BMP2K: variants seen among roughly 807,000 people sequenced by gnomAD.
BMP2K encodes the protein BMP2 inducible kinase, also known as BMP-2-inducible protein kinase.
Under a neutral mutation model 116.0 loss-of-function variants are expected in BMP2K, and 74 were observed. That is an observed-to-expected ratio of 0.64 (90% CI 0.53 to 0.77). BMP2K has a LOEUF of 0.77. BMP2K is among the 30% of genes least tolerant of loss of function. The pLI is 0.00. For missense variants in BMP2K, 1,365 were observed against 1,403.6 expected (o/e 0.97, Z 0.44); for synonymous variants, 486 against 502.5 (o/e 0.97, Z 0.44).
In BMP2K at chr4:78,861,288, A is replaced by G. The variant is rs1260619298; in HGVS notation, c.988-101A>G. 15 of 846,514 alleles carry G rather than the reference A, an allele frequency of 1.8e-5. No homozygotes were observed. The East Asian group carries it at 3.5e-4, about 20-fold the overall frequency. The allele number at this position is 846,514 out of a possible 1,614,324, so 52.4% of individuals were successfully genotyped here. ...TCTGATGTGAAAGTAATAGTGTCTC[A>G]TAGTACTTTTAAAGTTCAATGATAT... On this transcript the variant is annotated intron_variant, in intron 8 of 15. Transcript: ENST00000502613.
At chr4:78,796,487 GTAAC>G (rs1403360472) in intron 1 of BMP2K, among the ~76,000 whole-genome samples, 3 of 152,130 alleles carry the variant, frequency 2.0e-5, no homozygotes, top group Non-Finnish European at 2.9e-5. Context: ...GTATACATAT[GTAAC>G]TAACCTGCAC....
chr4:78,813,438 T>C (rs529152524), intron 1 of BMP2K, among the ~76,000 whole-genome samples: 1 of 152,306 alleles, frequency 6.6e-6, no homozygotes, highest in East Asian at 1.9e-4. Context: ...CCATTTCTCT[T>C]GGAGCAAAAG....
intron 15 of BMP2K, among the ~76,000 whole-genome samples, chr4:78,890,239 G>T (rs922971562): frequency 1.3e-5 from 2 of 151,790 alleles, no homozygotes; most frequent in Non-Finnish European, 2.9e-5. Context: ...ACTCCTTAGA[G>T]GTAATTTTTC....
intron 7 of BMP2K, among the ~76,000 whole-genome samples, chr4:78,854,163 CTTT>C (rs765059261): frequency 1.8e-5 from 2 of 112,422 alleles, no homozygotes; most frequent in African/African-American, 3.4e-5. Context: ...CAGGTAAAAG[CTTT>C]TTTTTTTTTT....
At chr4:78,803,453 T>C (rs1006060510) in intron 1 of BMP2K, among the ~76,000 whole-genome samples, 1 of 152,178 alleles carries the variant, frequency 6.6e-6, no homozygotes, top group African/African-American at 2.4e-5. Flanking sequence ...TGTAGTGCAG[T>C]GGTGCAACCT....
intron 4 of BMP2K, 67 bp from the exon 5 acceptor site, chr4:78,844,861 A>G: frequency 1.4e-6 from 2 of 1,400,830 alleles, no homozygotes; most frequent in Non-Finnish European, 2.0e-6. Context: ...ACCATTTTTT[A>G]CAAAGATTGT....
chr4:78,805,362 C>T (rs2109962522), intron 1 of BMP2K, among the ~76,000 whole-genome samples: 1 of 152,086 alleles, frequency 6.6e-6, no homozygotes, highest in South Asian at 2.1e-4. Context: ...TCTAACTTTG[C>T]TTTTTTTCAG....
intron 2 of BMP2K, among the ~76,000 whole-genome samples, chr4:78,831,348 A>T (rs1331865119): frequency 6.6e-6 from 1 of 152,216 alleles, no homozygotes; most frequent in Non-Finnish European, 1.5e-5. Flanking sequence ...AGAGACACAA[A>T]CTGAGCACAT....
intron 7 of BMP2K, chr4:78,859,319 A>T (rs1731656177): frequency 7.4e-6 from 2 of 270,614 alleles, no homozygotes. Flanking sequence ...CTTTTGTGTC[A>T]CTTTTTCAAT....
intron 1 of BMP2K, among the ~76,000 whole-genome samples, chr4:78,794,333 A>G (rs1008609330): frequency 7.2e-5 from 11 of 152,144 alleles, no homozygotes; most frequent in Non-Finnish European, 1.0e-4. Context: ...GTATTACAGT[A>G]CTGTTAGTAT....
chr4:78,802,080 GT>G (rs1209076751), intron 1 of BMP2K, among the ~76,000 whole-genome samples: 3 of 152,202 alleles, frequency 2.0e-5, no homozygotes, highest in Non-Finnish European at 4.4e-5. Context: ...TCTAGAAAGA[GT>G]TTTGCTCGAT....
At position 78,845,080 on chromosome 4, in the gene BMP2K, A is replaced by G. The variant is rs778848937; in HGVS notation, c.668+31A>G. ...TATTTGTCTTTATTGCACTTTTGTC[A>G]TGGTAATTTTAAGTTAACTTGAGTC... On this transcript the variant is annotated intron_variant, in intron 5 of 15. Transcript: ENST00000502613. The G allele has an allele frequency of 7.9e-6, 12 of 1,528,468 alleles. No individual in the cohort carries two copies. In the Admixed American group the frequency reaches 2.2e-4, roughly 27 times the overall value. The allele number at this position is 1,528,468 out of a possible 1,614,324, so 94.7% of individuals were successfully genotyped here. A position where few individuals can be genotyped will look rare whatever the true frequency, so the allele number is the denominator to read the frequency against.
intron 15 of BMP2K, among the ~76,000 whole-genome samples, chr4:78,909,477 A>G (rs1284366255): frequency 6.6e-6 from 1 of 152,144 alleles, no homozygotes; most frequent in Non-Finnish European, 1.5e-5. Flanking sequence ...ATGGCCTTAG[A>G]GGACCTTCAC....
At chr4:78,824,601 G>A (rs1729783178) in intron 1 of BMP2K, among the ~76,000 whole-genome samples, 1 of 152,108 alleles carries the variant, frequency 6.6e-6, no homozygotes, top group Non-Finnish European at 1.5e-5. Flanking sequence ...GATTTCAGTG[G>A]GGACACAGCC....
At chr4:78,778,654 T>A (rs1303632935) in intron 1 of BMP2K, among the ~76,000 whole-genome samples, 1 of 152,250 alleles carries the variant, frequency 6.6e-6, no homozygotes, top group Non-Finnish European at 1.5e-5. Context: ...ATAATCAGTT[T>A]AATTTTGATC....
intron 1 of BMP2K, among the ~76,000 whole-genome samples, chr4:78,810,561 G>A (rs1729039225): frequency 6.6e-6 from 1 of 152,170 alleles, no homozygotes; most frequent in Admixed American, 6.5e-5. Context: ...GTCACATAAA[G>A]ACAAACCTGG....
intron 3 of BMP2K, among the ~76,000 whole-genome samples, chr4:78,836,585 T>C (rs924367709): frequency 6.6e-6 from 1 of 152,224 alleles, no homozygotes; most frequent in African/African-American, 2.4e-5. Flanking sequence ...TTTGCCTCCC[T>C]TCTGTCTTGG....
rs541681886 is a variant in BMP2K at position 78,817,967 on chromosome 4, A to T, written c.179-8070A>T. On this transcript the variant is annotated intron_variant, in intron 1 of 15. Transcript: ENST00000502613. ...TTTCTTATATTATGGTAATAGAGTG[A>T]TGCTTAATAAACATAATACAATTTT... 8.5e-5 allele frequency among the ~76,000 whole-genome samples: 13 copies of T among 152,314 alleles called. No individual in the cohort carries two copies. The East Asian group carries it at 2.5e-3, about 29-fold the overall frequency.
chr4:78,781,857 G>C (rs993149759), intron 1 of BMP2K, among the ~76,000 whole-genome samples: 1 of 152,122 alleles, frequency 6.6e-6, no homozygotes, highest in Admixed American at 6.5e-5. Context: ...CACTGATTTC[G>C]AGCGGGCGAA....
Sources: allele counts gnomAD v4.1 joint callset (sites outside exome capture counted in the v4.1 genomes callset), GRCh38; gene constraint gnomAD v4.1.1; transcripts MANE v1.5; gene names NCBI Gene and HGNC (gene_info 2026-07-23, HGNC 2026-07-21).